The following PPARGC1A variants were observed in gnomAD, a reference collection of about 807,000 sequenced individuals.
PPARGC1A encodes the protein peroxisome proliferator-activated receptor gamma coactivator 1-alpha.
In PPARGC1A, 25 loss-of-function variants were observed where a neutral mutation model predicts 88.7. The ratio of observed to expected loss-of-function variants is 0.28; its 90% CI spans 0.21 to 0.39. PPARGC1A has a LOEUF of 0.39. Among genes scored for constraint, PPARGC1A ranks in the 10% least tolerant of loss-of-function variants. The probability of loss-of-function intolerance (pLI) is 1.00; values close to 1 mark genes in which losing one functional copy is unlikely to be tolerated. For missense variants in PPARGC1A, 880 were observed against 968.7 expected (o/e 0.91, Z 1.22); for synonymous variants, 363 against 355.6 (o/e 1.02, Z -0.24).
At chr4:23,845,799 A>G (rs1427072174) in intron 2 of PPARGC1A, among the ~76,000 whole-genome samples, 1 of 152,188 alleles carries the variant, frequency 6.6e-6, no homozygotes, top group Non-Finnish European at 1.5e-5. Flanking sequence ...ATATCTAAGT[A>G]TTTTACATGG....
At chr4:23,910,360 T>TA in the PPARGC1A span, among the ~76,000 whole-genome samples, 1 of 102,354 alleles carries the variant, frequency 9.8e-6, no homozygotes, top group Non-Finnish European at 1.8e-5. Flanking sequence ...ATATATATTA[T>TA]ATATATTATA....
At chr4:24,064,087 A>C in the PPARGC1A span, among the ~76,000 whole-genome samples, 1 of 152,136 alleles carries the variant, frequency 6.6e-6, no homozygotes, top group African/African-American at 2.4e-5. Flanking sequence ...CCTTCCCAGA[A>C]GAGGCTTTCC....
chr4:24,387,950 A>T, the PPARGC1A span, among the ~76,000 whole-genome samples: 1 of 138,470 alleles, frequency 7.2e-6, no homozygotes, highest in African/African-American at 3.1e-5. Flanking sequence ...GAAAGAAAGA[A>T]AGAAAGAAAG....
intron 2 of PPARGC1A, among the ~76,000 whole-genome samples, chr4:23,859,435 G>C (rs977695412): frequency 6.6e-6 from 1 of 152,134 alleles, no homozygotes; most frequent in Non-Finnish European, 1.5e-5. Flanking sequence ...TGTATTCAAA[G>C]AAGAGGGAAG....
the PPARGC1A span, among the ~76,000 whole-genome samples, chr4:24,431,608 C>T: frequency 6.6e-6 from 1 of 152,170 alleles, no homozygotes; most frequent in Admixed American, 6.5e-5. Context: ...ACCAGAAAGA[C>T]CGTCGAATGT....
chr4:24,436,901 C>CATA, the PPARGC1A span, among the ~76,000 whole-genome samples: 1 of 151,962 alleles, frequency 6.6e-6, no homozygotes, highest in Non-Finnish European at 1.5e-5. Flanking sequence ...GAGCCCAGGT[C>CATA]GTAGAGCTGA....
chr4:23,998,605 A>T, the PPARGC1A span, among the ~76,000 whole-genome samples: 1 of 152,230 alleles, frequency 6.6e-6, no homozygotes, highest in African/African-American at 2.4e-5. Context: ...CACTAAACTC[A>T]GCATCTAATT....
chr4:23,910,811 T>A, the PPARGC1A span, among the ~76,000 whole-genome samples: 1 of 78,802 alleles, frequency 1.3e-5, no homozygotes, highest in Admixed American at 9.2e-5. Flanking sequence ...TCAACTATTG[T>A]TATCTCTTTT....
At chr4:23,899,248 A>G (rs918197180) in intron 1 of PPARGC1A, 1 of 152,228 alleles carries the variant, frequency 6.6e-6, no homozygotes, top group African/African-American at 2.4e-5. Flanking sequence ...ATACAAAGCC[A>G]CTAAGTGGGA....
the PPARGC1A span, among the ~76,000 whole-genome samples, chr4:23,938,959 C>T: frequency 3.1e-3 from 469 of 152,276 alleles, 5 homozygotes; most frequent in African/African-American, 0.011. Flanking sequence ...CAGGGAGAAG[C>T]CTCCACAGCT....
At chr4:24,153,071 G>T in the PPARGC1A span, among the ~76,000 whole-genome samples, 1 of 152,176 alleles carries the variant, frequency 6.6e-6, no homozygotes, top group Non-Finnish European at 1.5e-5. Context: ...GCACTGATTT[G>T]ATTTCAGACA....
At chr4:24,201,512 A>C in the PPARGC1A span, among the ~76,000 whole-genome samples, 7 of 152,236 alleles carry the variant, frequency 4.6e-5, no homozygotes, top group Admixed American at 4.6e-4. Context: ...ACTTCAGCCA[A>C]GTTTGTCTTA....
At chr4:24,389,752 C>G in the PPARGC1A span, among the ~76,000 whole-genome samples, 16 of 152,232 alleles carry the variant, frequency 1.1e-4, no homozygotes, top group African/African-American at 3.9e-4. Context: ...TCTGATTGTG[C>G]TACAACTCTG....
chr4:24,335,085 G>A, the PPARGC1A span, among the ~76,000 whole-genome samples: 1 of 152,134 alleles, frequency 6.6e-6, no homozygotes, highest in Admixed American at 6.5e-5. Flanking sequence ...TATCGCATTC[G>A]GAGGAAATAA....
the PPARGC1A span, among the ~76,000 whole-genome samples, chr4:24,108,593 A>G: frequency 1.3e-5 from 2 of 152,156 alleles, no homozygotes; most frequent in East Asian, 1.9e-4. Context: ...TGAATTCACA[A>G]CACAGCTCTC....
the PPARGC1A span, among the ~76,000 whole-genome samples, chr4:24,120,776 A>C: frequency 6.6e-6 from 1 of 152,160 alleles, no homozygotes; most frequent in African/African-American, 2.4e-5. Context: ...AGAACCCAGC[A>C]GGAAGGCCAT....
At chr4:23,900,066 A>G (rs1209307659), upstream of PPARGC1A, among the ~76,000 whole-genome samples, 2 of 152,090 alleles carry the variant, frequency 1.3e-5, no homozygotes, top group Admixed American at 1.3e-4. Context: ...GGGCCCTTAA[A>G]CCACTTAGAC....
chr4:23,979,124 T>C, the PPARGC1A span, among the ~76,000 whole-genome samples: 223 of 152,352 alleles, frequency 1.5e-3, no homozygotes, highest in African/African-American at 4.9e-3. Flanking sequence ...CTCAATAATG[T>C]AGCAAAATTT....
the PPARGC1A span, among the ~76,000 whole-genome samples, chr4:24,036,511 C>T: frequency 1.8e-4 from 27 of 151,348 alleles, no homozygotes; most frequent in Admixed American, 3.3e-4. Context: ...AGGAGAGGGA[C>T]GAAGTGAAAT....
Sources: gnomAD v4.1 joint callset for allele counts (sites outside exome capture counted in the v4.1 genomes callset) on GRCh38, gnomAD v4.1.1 for gene constraint, MANE v1.5 for transcripts, NCBI Gene and HGNC (gene_info 2026-07-23, HGNC 2026-07-21) for gene names.